UBL3: variants seen among roughly 807,000 people sequenced by gnomAD.
UBL3 encodes ubiquitin like 3.
A neutral mutation model predicts 18.4 loss-of-function variants in UBL3; 6 were observed. That is an observed-to-expected ratio of 0.33 (90% CI 0.18 to 0.64). The LOEUF is 0.64. Ranked by LOEUF, UBL3 falls within the 30% of genes least tolerant of loss-of-function variation. The pLI is 0.76. For synonymous variants in UBL3, 49 were observed against 46.6 expected (o/e 1.05, Z -0.21); for missense variants, 109 against 142.9 (o/e 0.76, Z 1.21).
chr13:29,849,479 T>G (rs781413070), intron 1 of UBL3, 33 bp downstream of exon 1: 5 of 1,613,900 alleles, frequency 3.1e-6, no homozygotes, highest in South Asian at 1.1e-5. Context: ...GAAACCACAA[T>G]TAAATCAGTG....
intron 1 of UBL3, among the ~76,000 whole-genome samples, chr13:29,809,496 AT>A (rs1362926385): frequency 6.6e-6 from 1 of 152,164 alleles, no homozygotes. Context: ...GAATTTAAAT[AT>A]TAAAGTGGAC....
chr13:29,841,116 C>G (rs890274830), intron 1 of UBL3, among the ~76,000 whole-genome samples: 2 of 152,038 alleles, frequency 1.3e-5, no homozygotes, highest in Non-Finnish European at 2.9e-5. Context: ...ATCTTAAGTA[C>G]ATAAACAAAA....
intron 1 of UBL3, among the ~76,000 whole-genome samples, chr13:29,838,026 G>T (rs1474474971): frequency 1.3e-5 from 2 of 149,602 alleles, no homozygotes; most frequent in Non-Finnish European, 3.0e-5. Flanking sequence ...GCTTTATGTA[G>T]ATTACAAAAA....
intron 1 of UBL3, among the ~76,000 whole-genome samples, chr13:29,834,185 GAAA>G (rs200617867): frequency 2.7e-5 from 2 of 73,628 alleles, no homozygotes; most frequent in Admixed American, 1.4e-4. Flanking sequence ...TCTGTCTCAA[GAAA>G]AAAAAAAAAA....
chr13:29,849,800 C>A lies in UBL3; in HGVS notation c.-262G>T. 1.7e-6 allele frequency: 1 copy of A among 575,884 alleles called. No individual in the cohort carries two copies. The highest frequency in any genetic ancestry group is 3.1e-6 in the Non-Finnish European group (1 of 325,144). The allele number at this position is 575,884 out of a possible 1,614,324, so 35.7% of individuals were successfully genotyped here. ...AGGCAGCCCCCGTCGTCGTCGTCGT[C>A]GTCAACAGCAGCAGCAGCCCCAGGA... is the stretch of plus-strand genomic sequence containing the variant. On this transcript the variant is annotated 5_prime_UTR_variant, in exon 1 of 5. Coordinates refer to ENST00000380680, the MANE Select transcript of UBL3 (RefSeq NM_007106.4).
chr13:29,770,864 G>A (rs565793238), intron 3 of UBL3, among the ~76,000 whole-genome samples: 1 of 151,960 alleles, frequency 6.6e-6, no homozygotes, highest in African/African-American at 2.4e-5. Flanking sequence ...ATTTTAAAGT[G>A]CCAGATATCT....
At chr13:29,816,642 C>G (rs1258262252) in intron 1 of UBL3, among the ~76,000 whole-genome samples, 2 of 149,970 alleles carry the variant, frequency 1.3e-5, no homozygotes, top group South Asian at 4.2e-4. Flanking sequence ...GTGGTCCCAA[C>G]TACTCAGGAG....
intron 1 of UBL3, among the ~76,000 whole-genome samples, chr13:29,792,751 T>C (rs1338640105): frequency 6.6e-6 from 1 of 152,234 alleles, no homozygotes; most frequent in African/African-American, 2.4e-5. Flanking sequence ...AATTAAATTT[T>C]AAAATGCTAA....
intron 1 of UBL3, among the ~76,000 whole-genome samples, chr13:29,836,687 T>C (rs1201845061): frequency 6.6e-6 from 1 of 151,906 alleles, no homozygotes; most frequent in African/African-American, 2.4e-5. Context: ...CTCACTGGGC[T>C]GGGAAGACAC....
chr13:29,838,655 C>G (rs1439798817), intron 1 of UBL3, among the ~76,000 whole-genome samples: 1 of 151,966 alleles, frequency 6.6e-6, no homozygotes, highest in Non-Finnish European at 1.5e-5. Flanking sequence ...GAATTTATAA[C>G]AGAGAAGCTG....
At chr13:29,846,696 C>G (rs1418502930) in intron 1 of UBL3, among the ~76,000 whole-genome samples, 2 of 152,070 alleles carry the variant, frequency 1.3e-5, no homozygotes, top group African/African-American at 4.8e-5. Context: ...TTAACTTCAC[C>G]ACTCCATCCC....
At chr13:29,784,681 A>C (rs949515908) in intron 1 of UBL3, among the ~76,000 whole-genome samples, 1 of 152,160 alleles carries the variant, frequency 6.6e-6, no homozygotes, top group African/African-American at 2.4e-5. Context: ...AGAGATGGAG[A>C]ATGGCCAGCT....
chr13:29,777,016 G>A, intron 2 of UBL3, 139 bp downstream of exon 2: 1 of 561,480 alleles, frequency 1.8e-6, no homozygotes, highest in Non-Finnish European at 2.9e-6. Context: ...AGGGTACAAT[G>A]ATCCTCTAAA....
chr13:29,773,122 C>T (rs143184876), intron 2 of UBL3, among the ~76,000 whole-genome samples: 157 of 152,112 alleles, frequency 1.0e-3, no homozygotes, highest in African/African-American at 3.7e-3. Flanking sequence ...TAATGGTTAA[C>T]ACAAAAAAAT....
At chr13:29,835,096 ATATAT>A (rs1566000915) in intron 1 of UBL3, among the ~76,000 whole-genome samples, 16 of 24,884 alleles carry the variant, frequency 6.4e-4, no homozygotes, top group South Asian at 3.9e-3. Context: ...ATAAATATAT[ATATAT>A]ATATAAATAT....
In UBL3 at chr13:29,778,460, T is replaced by TAA. The variant is rs1877060583; in HGVS notation, c.28-1199_28-1198dup. 2.0e-5 allele frequency among the ~76,000 whole-genome samples: 3 copies of TAA among 152,222 alleles called. No individual in the cohort carries two copies. The South Asian group carries it at 6.2e-4, about 32-fold the overall frequency. On this transcript the variant is annotated intron_variant, in intron 1 of 4. Coordinates refer to ENST00000380680, the MANE Select transcript of UBL3 (RefSeq NM_007106.4). ...GTTAAAAGAGTAAGTAAGATCCTACTAAAAGTTGGGTCCAGTCCAGAGCTG... is the reference window on the plus strand; with the variant it reads ...GTTAAAAGAGTAAGTAAGATCCTACTAAAAAAGTTGGGTCCAGTCCAGAGCTG...
At chr13:29,839,707 C>T (rs1315114745) in intron 1 of UBL3, among the ~76,000 whole-genome samples, 1 of 152,104 alleles carries the variant, frequency 6.6e-6, no homozygotes, top group Non-Finnish European at 1.5e-5. Context: ...GCGGGAGGAT[C>T]ACGAGGTCAG....
chr13:29,798,719 T>C (rs1877680182), intron 1 of UBL3, among the ~76,000 whole-genome samples: 1 of 152,224 alleles, frequency 6.6e-6, no homozygotes, highest in Non-Finnish European at 1.5e-5. Context: ...AGCACAGCTA[T>C]TTCACAAAGG....
At chr13:29,845,425 A>T (rs943422188) in intron 1 of UBL3, among the ~76,000 whole-genome samples, 4 of 152,068 alleles carry the variant, frequency 2.6e-5, no homozygotes, top group Non-Finnish European at 2.9e-5. Flanking sequence ...CAGGAATAGA[A>T]AGAAAAATAA....
Sources: allele counts gnomAD v4.1 joint callset (sites outside exome capture counted in the v4.1 genomes callset), GRCh38; gene constraint gnomAD v4.1.1; transcripts MANE v1.5; gene names NCBI Gene and HGNC (gene_info 2026-07-23, HGNC 2026-07-21).